IFTAP: variants seen among roughly 807,000 people sequenced by gnomAD.
IFTAP encodes the protein intraflagellar transport-associated protein.
In IFTAP, 19 loss-of-function variants were observed where a neutral mutation model predicts 19.4. That is an observed-to-expected ratio of 0.98 (90% confidence interval 0.68 to 1.44). The LOEUF is 1.44. IFTAP is among the 40% of genes most tolerant of loss of function. The pLI is 0.00. For synonymous variants in IFTAP, 85 were observed against 83.5 expected (o/e 1.02, Z -0.10); for missense variants, 240 against 253.6 (o/e 0.95, Z 0.36).
At chr11:36,598,059 T>C (rs1851350864) in intron 1 of IFTAP, 1 of 152,006 alleles carries the variant, frequency 6.6e-6, no homozygotes, top group Non-Finnish European at 1.5e-5. Context: ...TAACATAGGC[T>C]CCCATTTTTT....
rs901165411 is a variant in IFTAP at position 36,605,600 on chromosome 11, A to G, written c.-23-4481A>G. On this transcript the variant is annotated intron_variant, in intron 1 of 5. Transcript: ENST00000334307. ...GAAAACAAGACTTAAGGGAGGTTAT[A>G]TGATTTTTCTATCTCTCAGTGACTT... Among the ~76,000 whole-genome samples, 5 of 152,312 alleles carry G rather than the reference A, an allele frequency of 3.3e-5. No homozygotes were observed. In the East Asian group the frequency reaches 9.6e-4, roughly 29 times the overall value.
At chr11:36,635,986 A>G (rs779712046) in intron 3 of IFTAP, 65 bp from the exon 4 acceptor site, 133 of 1,083,358 alleles carry the variant, frequency 1.2e-4, no homozygotes, top group Non-Finnish European at 1.8e-4. Context: ...GGATTCGTTG[A>G]CTTTTCACTG....
At chr11:36,633,826 A>G (rs909464555) in intron 3 of IFTAP, among the ~76,000 whole-genome samples, 6 of 152,050 alleles carry the variant, frequency 3.9e-5, no homozygotes, top group Admixed American at 2.6e-4. Context: ...GATGGAATCG[A>G]TTATCTTGTT....
intron 2 of IFTAP, among the ~76,000 whole-genome samples, chr11:36,620,466 G>T (rs1357749572): frequency 2.6e-5 from 4 of 151,988 alleles, no homozygotes; most frequent in African/African-American, 7.2e-5. Flanking sequence ...AAAATTGCTG[G>T]TTCAATTGCA....
intron 2 of IFTAP, among the ~76,000 whole-genome samples, chr11:36,629,244 A>C (rs183243935): frequency 6.6e-6 from 1 of 151,398 alleles, no homozygotes; most frequent in East Asian, 1.9e-4. Context: ...CCTGACTTTC[A>C]GAGTACCCAA....
intron 5 of IFTAP, among the ~76,000 whole-genome samples, chr11:36,658,451 TG>T (rs34622091): frequency 0.03 from 4,537 of 152,322 alleles, 107 homozygotes; most frequent in Non-Finnish European, 0.048. Flanking sequence ...TTTAAATTCT[TG>T]GTAGAAACAA....
intron 1 of IFTAP, among the ~76,000 whole-genome samples, chr11:36,603,981 C>G (rs112601438): frequency 0.039 from 5,874 of 151,578 alleles, 370 homozygotes; most frequent in African/African-American, 0.13. Context: ...GGACCTAGAT[C>G]TGTTTTTGTT....
intron 1 of IFTAP, among the ~76,000 whole-genome samples, chr11:36,601,527 A>G (rs1311762529): frequency 6.6e-6 from 1 of 152,262 alleles, no homozygotes; most frequent in African/African-American, 2.4e-5. Flanking sequence ...AAAACAAAAT[A>G]GAGAAAACAT....
At chr11:36,622,536 C>G (rs1395680709) in intron 2 of IFTAP, among the ~76,000 whole-genome samples, 1 of 152,036 alleles carries the variant, frequency 6.6e-6, no homozygotes, top group Non-Finnish European at 1.5e-5. Context: ...ATTCAGAAGA[C>G]CTGGGTACTA....
intron 2 of IFTAP, among the ~76,000 whole-genome samples, chr11:36,623,782 C>T (rs1852398164): frequency 6.6e-6 from 1 of 152,168 alleles, no homozygotes; most frequent in African/African-American, 2.4e-5. Flanking sequence ...AAATGCCCCT[C>T]CAATCATTTC....
chr11:36,642,456 G>T (rs967898197), intron 4 of IFTAP, among the ~76,000 whole-genome samples: 2 of 152,106 alleles, frequency 1.3e-5, no homozygotes, highest in African/African-American at 4.8e-5. Context: ...CATTCCTTCT[G>T]AAACTATTCC....
At chr11:36,609,778 A>C (rs1851809333) in intron 1 of IFTAP, among the ~76,000 whole-genome samples, 1 of 152,112 alleles carries the variant, frequency 6.6e-6, no homozygotes, top group South Asian at 2.1e-4. Context: ...CTACCTCGAA[A>C]GACTTTGAGT....
At position 36,636,034 on chromosome 11, in the gene IFTAP, T is replaced by A; in HGVS notation, c.292-17T>A. 1 of 1,557,212 alleles carries A rather than the reference T, an allele frequency of 6.4e-7. No individual in the cohort carries two copies. Among genetic ancestry groups the A allele is most frequent in the Admixed American group, 1.7e-5 (1 of 59,634 alleles). ...AGGTCTATTCTGCTTAAAAATTATG[T>A]TAATTCTTTTTTCTAGGTAGATAAT... On this transcript the variant is annotated splice_polypyrimidine_tract_variant and intron_variant, in intron 3 of 5. Transcript: ENST00000334307.
intron 1 of IFTAP, among the ~76,000 whole-genome samples, chr11:36,605,875 G>T (rs757782551): frequency 6.6e-6 from 1 of 151,760 alleles, no homozygotes; most frequent in Non-Finnish European, 1.5e-5. Context: ...CTAGGCAAGT[G>T]TCTCTCTCTC....
chr11:36,608,428 A>G (rs560066954), intron 1 of IFTAP, among the ~76,000 whole-genome samples: 3 of 152,222 alleles, frequency 2.0e-5, no homozygotes, highest in Non-Finnish European at 2.9e-5. Flanking sequence ...TATTGGAGAA[A>G]CCCCTACTTT....
chr11:36,634,506 A>G (rs1288594294), intron 3 of IFTAP, among the ~76,000 whole-genome samples: 1 of 152,114 alleles, frequency 6.6e-6, no homozygotes. Context: ...CTAATTAACA[A>G]AAACGGGAAG....
At chr11:36,655,793 ATT>A (rs1487738491) in intron 5 of IFTAP, among the ~76,000 whole-genome samples, 10 of 152,148 alleles carry the variant, frequency 6.6e-5, no homozygotes, top group Non-Finnish European at 1.5e-4. Flanking sequence ...TAGTGAAGAA[ATT>A]TATATTTTTA....
intron 3 of IFTAP, among the ~76,000 whole-genome samples, chr11:36,635,000 A>C (rs753561286): frequency 1.3e-5 from 2 of 152,176 alleles, no homozygotes; most frequent in African/African-American, 4.8e-5. Context: ...AAAATTTAGT[A>C]GTGAAACCAT....
chr11:36,636,711 T>A (rs1169708417), intron 4 of IFTAP, among the ~76,000 whole-genome samples: 1 of 152,164 alleles, frequency 6.6e-6, no homozygotes, highest in Non-Finnish European at 1.5e-5. Context: ...TTAAAAATAT[T>A]TATTATGTAA....
Sources: allele counts gnomAD v4.1 joint callset (sites outside exome capture counted in the v4.1 genomes callset), GRCh38; gene constraint gnomAD v4.1.1; transcripts MANE v1.5; gene names NCBI Gene and HGNC (gene_info 2026-07-23, HGNC 2026-07-21).